Variants in NDUFS4 observed in about 807,000 individuals in gnomAD.
The protein encoded by NDUFS4 is NADH dehydrogenase [ubiquinone] iron-sulfur protein 4, mitochondrial.
Under a neutral mutation model 24.3 loss-of-function variants are expected in NDUFS4, and 28 were observed. The observed-to-expected ratio is 1.15, with a 90% CI of 0.85 to 1.58. The LOEUF is 1.58. Among genes scored for constraint, NDUFS4 ranks in the 40% most tolerant of loss-of-function variants. NDUFS4 has a pLI of 0.00. For synonymous variants in NDUFS4, 93 were observed against 69.7 expected, an observed-to-expected ratio of 1.34 and a Z score of -1.67; for missense variants, 223 against 207.9, an observed-to-expected ratio of 1.07 and a Z score of -0.45.
At chr5:53,590,111 G>A (rs1333569338) in intron 1 of NDUFS4, among the ~76,000 whole-genome samples, 1 of 152,168 alleles carries the variant, frequency 6.6e-6, no homozygotes, top group Non-Finnish European at 1.5e-5. Context: ...TTGATTGGTA[G>A]AATGATTTTT....
intron 2 of NDUFS4, among the ~76,000 whole-genome samples, chr5:53,641,684 G>T (rs1279558083): frequency 6.6e-6 from 1 of 152,074 alleles, no homozygotes; most frequent in African/African-American, 2.4e-5. Flanking sequence ...ATATGATAAT[G>T]CTATCTGCCA....
intron 1 of NDUFS4, among the ~76,000 whole-genome samples, chr5:53,586,049 C>T (rs1189010293): frequency 2.0e-5 from 3 of 152,076 alleles, no homozygotes; most frequent in African/African-American, 4.8e-5. Context: ...ATAATATCGG[C>T]CAGGTGCAGT....
At chr5:53,609,423 C>T (rs1750629799) in intron 2 of NDUFS4, among the ~76,000 whole-genome samples, 1 of 152,162 alleles carries the variant, frequency 6.6e-6, no homozygotes, top group African/African-American at 2.4e-5. Context: ...GATATTGACA[C>T]TGGGCATAAA....
intron 1 of NDUFS4, among the ~76,000 whole-genome samples, chr5:53,578,736 GTCA>G (rs1365183689): frequency 6.6e-6 from 1 of 152,078 alleles, no homozygotes; most frequent in Non-Finnish European, 1.5e-5. Flanking sequence ...CCTCCTCGAT[GTCA>G]TCATCATTAT....
intron 4 of NDUFS4, among the ~76,000 whole-genome samples, chr5:53,660,005 C>CT (rs141107369): frequency 0.019 from 2,925 of 151,028 alleles, 89 homozygotes; most frequent in African/African-American, 0.066. Context: ...TATTAATAGA[C>CT]TTTTTTTTTA....
At chr5:53,653,264 G>A (rs753912742) in intron 3 of NDUFS4, among the ~76,000 whole-genome samples, 4 of 152,132 alleles carry the variant, frequency 2.6e-5, no homozygotes, top group African/African-American at 4.8e-5. Context: ...AAGCAGACAT[G>A]TGCACAAACG....
At chr5:53,590,772 G>A (rs1233048398) in intron 1 of NDUFS4, among the ~76,000 whole-genome samples, 1 of 152,036 alleles carries the variant, frequency 6.6e-6, no homozygotes, top group Non-Finnish European at 1.5e-5. Flanking sequence ...AAATATTGTC[G>A]TGGTTTATAC....
chr5:53,598,108 T>G (rs775374126), intron 1 of NDUFS4, among the ~76,000 whole-genome samples: 1 of 152,182 alleles, frequency 6.6e-6, no homozygotes, highest in African/African-American at 2.4e-5. Context: ...CCACACCAAA[T>G]GCTGGCAAGG....
intron 2 of NDUFS4, among the ~76,000 whole-genome samples, chr5:53,645,211 A>T (rs533430609): frequency 1.6e-4 from 25 of 152,298 alleles, no homozygotes; most frequent in African/African-American, 6.0e-4. Context: ...ATTAATAAGC[A>T]TATGGTTGAC....
intron 1 of NDUFS4, among the ~76,000 whole-genome samples, chr5:53,562,073 G>A (rs577091281): frequency 2.6e-4 from 39 of 151,598 alleles, no homozygotes; most frequent in African/African-American, 9.4e-4. Flanking sequence ...GCGTGATCTT[G>A]GTTCACTGCA....
At chr5:53,612,070 A>G (rs1750714274) in intron 2 of NDUFS4, among the ~76,000 whole-genome samples, 2 of 152,112 alleles carry the variant, frequency 1.3e-5, no homozygotes. Flanking sequence ...ATAGAAAAAT[A>G]CCCTCAGAAA....
chr5:53,666,444 T>C (rs934360406), intron 4 of NDUFS4, among the ~76,000 whole-genome samples: 4 of 152,192 alleles, frequency 2.6e-5, no homozygotes, highest in Admixed American at 6.5e-5. Flanking sequence ...TCAAAGTCTA[T>C]AGAAAGTGTA....
rs759267388 is a variant in NDUFS4, at chr5:53,560,678, A to T, written c.16A>T (p.Met6Leu). The change falls in exon 1 of 5, where the codon ATG (methionine) becomes TTG (leucine). Residue 6 changes from methionine to leucine, a missense_variant. Transcript: ENST00000296684. MAAVSMSVVLRQTLWR... is the reference protein window; with the variant it reads MAAVSLSVVLRQTLWR... ...CTGCAGCAAGATGGCGGCGGTGTCA[A>T]TGTCAGTGGTACTGAGGCAGACGTT... 1.2e-6 allele frequency: 2 copies of T among 1,614,240 alleles called. No individual in the cohort carries two copies. Among genetic ancestry groups the T allele is most frequent in the Admixed American group, 3.3e-5 (2 of 60,030 alleles).
intron 3 of NDUFS4, 119 bp downstream of exon 3, chr5:53,646,524 G>A (rs1001811090): frequency 4.9e-6 from 5 of 1,024,758 alleles, no homozygotes; most frequent in East Asian, 2.6e-5. Context: ...ACTTTTTGAC[G>A]CTGTTAAGTA....
rs1008719021 is a variant in NDUFS4, at chr5:53,646,146, A to G, written c.178-87A>G. On this transcript the variant is annotated intron_variant, in intron 2 of 4. Transcript: ENST00000296684. Reference sequence around the variant, plus strand: ...TCAATTTATGAACAAATCTGAATAGAGTTGCATGAATATAGGAAACAACAA... The same window carrying G: ...TCAATTTATGAACAAATCTGAATAGGGTTGCATGAATATAGGAAACAACAA... 6 of 1,059,592 alleles carry G rather than the reference A, an allele frequency of 5.7e-6. No individual in the cohort carries two copies. In the Admixed American group the frequency reaches 8.1e-5, roughly 14 times the overall value. 65.6% of individuals were successfully genotyped at this position (1,059,592 alleles called of 1,614,324 possible).
At chr5:53,679,297 A>G (rs1266361563) in intron 4 of NDUFS4, among the ~76,000 whole-genome samples, 1 of 152,150 alleles carries the variant, frequency 6.6e-6, no homozygotes, top group East Asian at 1.9e-4. Context: ...AGTGGTAATT[A>G]TATAGAGATG....
intron 2 of NDUFS4, among the ~76,000 whole-genome samples, chr5:53,614,161 T>TAAA (rs1157479365): frequency 1.3e-5 from 2 of 151,952 alleles, no homozygotes; most frequent in East Asian, 3.9e-4. Context: ...CTGTTATATT[T>TAAA]AACTATGATG....
chr5:53,640,754 C>T (rs762869491), intron 2 of NDUFS4, among the ~76,000 whole-genome samples: 1 of 152,082 alleles, frequency 6.6e-6, no homozygotes, highest in South Asian at 2.1e-4. Flanking sequence ...CAAATTTTAA[C>T]ATGAAATTTG....
At chr5:53,638,811 A>C (rs1751627185) in intron 2 of NDUFS4, among the ~76,000 whole-genome samples, 1 of 152,102 alleles carries the variant, frequency 6.6e-6, no homozygotes, top group African/African-American at 2.4e-5. Context: ...CTCCAGGAAA[A>C]CTTTGTCATT....
Sources: allele counts gnomAD v4.1 joint callset (sites outside exome capture counted in the v4.1 genomes callset), GRCh38; gene constraint gnomAD v4.1.1; transcripts MANE v1.5; gene names NCBI Gene and HGNC (gene_info 2026-07-23, HGNC 2026-07-21).